GNAL: variants seen among roughly 807,000 people sequenced by gnomAD.
The protein encoded by GNAL is G protein subunit alpha L, also known as guanine nucleotide-binding protein G(olf) subunit alpha.
GNAL carries 18 observed loss-of-function variants against 55.1 expected under a neutral mutation model. The observed-to-expected ratio is 0.33, with a 90% CI of 0.23 to 0.48. The LOEUF (loss-of-function observed/expected upper bound fraction) is 0.48. GNAL is among the 20% of genes least tolerant of loss of function. GNAL has a pLI of 0.99. For synonymous variants in GNAL, 253 were observed against 237.0 expected (o/e 1.07, Z -0.62); for missense variants, 412 against 614.1 (o/e 0.67, Z 3.48).
chr18:11,701,971 A>G (rs1336367118), intron 1 of GNAL: 1 of 152,156 alleles, frequency 6.6e-6, no homozygotes, highest in East Asian at 1.9e-4. Flanking sequence ...TTTTTTACCC[A>G]AGAAATCCAC....
intron 5 of GNAL, among the ~76,000 whole-genome samples, chr18:11,838,699 G>A (rs541977122): frequency 6.6e-6 from 1 of 152,316 alleles, no homozygotes; most frequent in Admixed American, 6.5e-5. Flanking sequence ...CATGGTGACA[G>A]TGTGGGGATG....
At chr18:11,759,676 C>T (rs2033174986) in intron 4 of GNAL, among the ~76,000 whole-genome samples, 1 of 152,248 alleles carries the variant, frequency 6.6e-6, no homozygotes, top group Non-Finnish European at 1.5e-5. Context: ...ACACCCACTG[C>T]AGCTTGGGCC....
At chr18:11,873,422 A>T (rs999424712) in intron 10 of GNAL, among the ~76,000 whole-genome samples, 6 of 152,120 alleles carry the variant, frequency 3.9e-5, no homozygotes, top group Non-Finnish European at 8.8e-5. Context: ...TGTCATAAAG[A>T]CCCGAAAAAA....
intron 4 of GNAL, among the ~76,000 whole-genome samples, chr18:11,784,245 C>A (rs1367410836): frequency 1.3e-5 from 2 of 152,252 alleles, no homozygotes; most frequent in African/African-American, 4.8e-5. Context: ...TTTCTGTCTT[C>A]AGGTCAGCAG....
chr18:11,870,226 G>A lies in GNAL; in HGVS notation c.1031+1563G>A, dbSNP rs12454628. 5.1e-3 allele frequency among the ~76,000 whole-genome samples: 773 copies of A among 152,116 alleles called. 2 individuals carry two copies. The highest frequency in any genetic ancestry group is 0.014 in the Middle Eastern group (4 of 294). On this transcript the variant is annotated intron_variant, in intron 9 of 11. Transcript: ENST00000334049. ...TTGTTTGGTTTTTAAATTTTAGGAA[G>A]TACCAGTTTAGGGGCCGGGAACAGT...
chr18:11,801,215 A>C (rs117154038), intron 4 of GNAL, among the ~76,000 whole-genome samples: 1,771 of 152,304 alleles, frequency 0.012, 22 homozygotes, highest in South Asian at 0.021. Flanking sequence ...CTTATAGTAT[A>C]GGGGGTGATA....
At chr18:11,762,148 T>C (rs1251003500) in intron 4 of GNAL, among the ~76,000 whole-genome samples, 3 of 152,152 alleles carry the variant, frequency 2.0e-5, no homozygotes, top group Admixed American at 2.0e-4. Context: ...TGGAAGTTGA[T>C]TTCATTTGCC....
chr18:11,758,190 C>G (rs561090273), intron 4 of GNAL, among the ~76,000 whole-genome samples: 1 of 152,298 alleles, frequency 6.6e-6, no homozygotes, highest in South Asian at 2.1e-4. Context: ...ACCAACTCCC[C>G]ACTTGAGAAG....
intron 5 of GNAL, among the ~76,000 whole-genome samples, chr18:11,850,652 G>T (rs1259023573): frequency 2.6e-5 from 4 of 152,212 alleles, no homozygotes; most frequent in African/African-American, 9.6e-5. Flanking sequence ...AAACTTAAAT[G>T]TGAGTGAAGT....
rs557286530 is a variant in GNAL at position 11,855,927 on chromosome 18, G to A, written c.723-6468G>A. 1.1e-4 allele frequency among the ~76,000 whole-genome samples: 17 copies of A among 151,006 alleles called. No individual in the cohort carries two copies. In the East Asian group the frequency reaches 3.1e-3, roughly 27 times the overall value. ...GTGGAGGTTGCGGTGAGCCGAGATCGCGCCATTGCACTCCAGCCTGGGCAA... is the reference window on the plus strand; with the variant it reads ...GTGGAGGTTGCGGTGAGCCGAGATCACGCCATTGCACTCCAGCCTGGGCAA... On this transcript the variant is annotated intron_variant, in intron 5 of 11. Transcript: ENST00000334049.
intron 1 of GNAL, among the ~76,000 whole-genome samples, chr18:11,721,516 G>T (rs2032092398): frequency 6.6e-6 from 1 of 152,034 alleles, no homozygotes. Flanking sequence ...AGCACTTTGG[G>T]AGGTCGAGGT....
chr18:11,786,586 C>CT (rs911483663), intron 4 of GNAL, among the ~76,000 whole-genome samples: 11 of 148,784 alleles, frequency 7.4e-5, no homozygotes, highest in African/African-American at 2.7e-4. Context: ...GTAGCTGGGA[C>CT]TGCAGGCACC....
chr18:11,691,871 C>T (rs973951380), intron 1 of GNAL, among the ~76,000 whole-genome samples: 3 of 152,172 alleles, frequency 2.0e-5, no homozygotes, highest in African/African-American at 7.2e-5. Flanking sequence ...TAACTGCGTG[C>T]AGGAGGGTGG....
At chr18:11,819,599 T>A (rs2035042223) in intron 4 of GNAL, among the ~76,000 whole-genome samples, 1 of 152,064 alleles carries the variant, frequency 6.6e-6, no homozygotes, top group Non-Finnish European at 1.5e-5. Context: ...ACAGAAAAAA[T>A]TAAGAAATTT....
At position 11,845,789 on chromosome 18, in the gene GNAL, A is replaced by G. The variant is rs199836859; in HGVS notation, c.723-16606A>G. ...GAGAAAAGAGAGAGAGAGAGAGAGA[A>G]AGAGAGAGGGAGGGAGAGGGGGAGA... is the stretch of plus-strand genomic sequence containing the variant. On this transcript the variant is annotated intron_variant, in intron 5 of 11. Transcript: ENST00000334049. 2.8e-3 allele frequency among the ~76,000 whole-genome samples: 400 copies of G among 141,942 alleles called. 2 individuals carry two copies. Among genetic ancestry groups the G allele is most frequent in the East Asian group, 0.02 (78 of 3,920 alleles). The allele number at this position is 141,942 out of a possible 152,430, so 93.1% of individuals were successfully genotyped here.
intron 4 of GNAL, among the ~76,000 whole-genome samples, chr18:11,788,914 A>AAAAAAAAAATATATT (rs60071996): frequency 1.8e-5 from 1 of 56,302 alleles, no homozygotes; most frequent in East Asian, 7.1e-4. Context: ...AAAAAAAAAA[A>AAAAAAAAAATATATT]ATATATATAT....
chr18:11,883,426 T>TCAAA lies in GNAL; in HGVS notation c.*2295_*2298dup, dbSNP rs1355875192. 3 of 153,024 alleles carry TCAAA rather than the reference T, an allele frequency of 2.0e-5. No individual in the cohort carries two copies. Among genetic ancestry groups the TCAAA allele is most frequent in the Non-Finnish European group, 4.4e-5 (3 of 68,028 alleles). The allele number at this position is 153,024 out of a possible 1,614,324, so 9.5% of individuals were successfully genotyped here. A position where few individuals can be genotyped will look rare whatever the true frequency, so the allele number is the denominator to read the frequency against. On this transcript the variant is annotated 3_prime_UTR_variant, in exon 12 of 12. Coordinates refer to ENST00000334049, the MANE Select transcript of GNAL (RefSeq NM_182978.4). The stretch of plus-strand genomic sequence containing the variant: ...TAAACATCCTGTTTAAGAGTTTAAT[T>TCAAA]CAAACAACAGCCAGACTGTTAAGAA...
intron 4 of GNAL, among the ~76,000 whole-genome samples, chr18:11,818,252 T>TA (rs1389068306): frequency 6.6e-6 from 1 of 152,120 alleles, no homozygotes; most frequent in African/African-American, 2.4e-5. Flanking sequence ...TATAACACTG[T>TA]AAAATAACAA....
chr18:11,711,835 C>T (rs1043547414), intron 1 of GNAL, among the ~76,000 whole-genome samples: 5 of 152,206 alleles, frequency 3.3e-5, no homozygotes, highest in Admixed American at 2.6e-4. Flanking sequence ...AAACAGCCAC[C>T]TCTCCCAGTC....
Sources: gnomAD v4.1 joint callset for allele counts (sites outside exome capture counted in the v4.1 genomes callset) on GRCh38, gnomAD v4.1.1 for gene constraint, MANE v1.5 for transcripts, NCBI Gene and HGNC (gene_info 2026-07-23, HGNC 2026-07-21) for gene names.